Variants in CFHR4 observed in about 807,000 individuals in gnomAD.
CFHR4 encodes the protein complement factor H related 4.
Under a neutral mutation model 69.3 loss-of-function variants are expected in CFHR4, and 64 were observed. The ratio of observed to expected loss-of-function variants is 0.92; its 90% CI spans 0.76 to 1.14. The LOEUF is 1.14. Ranked by LOEUF, CFHR4 falls within the 50% of genes most tolerant of loss-of-function variation. The pLI is 0.00. For missense variants in CFHR4, 636 were observed against 684.9 expected, an observed-to-expected ratio of 0.93 and a Z score of 0.80; for synonymous variants, 244 against 237.0, an observed-to-expected ratio of 1.03 and a Z score of -0.27.
chr1:196,905,720 T>C (rs540472642), intron 3 of CFHR4, among the ~76,000 whole-genome samples: 8 of 151,636 alleles, frequency 5.3e-5, no homozygotes, highest in African/African-American at 1.9e-4. Context: ...GAGTTTCTGC[T>C]AGCATCAGGA....
intron 9 of CFHR4, among the ~76,000 whole-genome samples, chr1:196,917,436 T>A (rs1311726574): frequency 2.7e-5 from 4 of 150,488 alleles, no homozygotes; most frequent in Admixed American, 2.0e-4. Flanking sequence ...AATTATAAAT[T>A]TTTTTACAAA....
intron 9 of CFHR4, among the ~76,000 whole-genome samples, chr1:196,916,246 A>G (rs1658620078): frequency 6.6e-6 from 1 of 151,600 alleles, no homozygotes; most frequent in Admixed American, 6.6e-5. Context: ...AAGAAAACCT[A>G]AAAGAAAACT....
intron 1 of CFHR4, among the ~76,000 whole-genome samples, chr1:196,895,466 A>G (rs532940180): frequency 1.3e-5 from 2 of 150,956 alleles, no homozygotes; most frequent in East Asian, 3.9e-4. Flanking sequence ...TTTATACTTT[A>G]ATTTCTTTTT....
rs1200625953 is a variant in CFHR4, at chr1:196,912,820, A to G, written c.1078A>G (p.Ile360Val). The change falls in exon 7 of 10, where the codon ATA becomes GTA. Residue 360 changes from isoleucine (I) to valine (V), a missense_variant. Physicochemically the swap from Ile to Val is conservative, Grantham distance 29. Transcript: ENST00000608469. ...CTCTATTTATATTTTAAATAAAGAA[A>G]TACAATATAAATGTAAACCAGGATA... is the stretch of plus-strand genomic sequence containing the variant. ...SSSIYILNKE[I>V]QYKCKPGYAT... 2 of 1,606,104 alleles carry G rather than the reference A, an allele frequency of 1.2e-6. No homozygotes were observed. Among genetic ancestry groups the G allele is most frequent in the Non-Finnish European group, 1.7e-6 (2 of 1,176,514 alleles).
rs184904174 is a variant in CFHR4 at position 196,910,980 on chromosome 1, A to G, written c.997+502A>G. ...ATGAAGGAATATCTTTACAGAGTCAATCTGTAAAAGTTGAGGATATCCTGG... is the reference window on the plus strand; with the variant it reads ...ATGAAGGAATATCTTTACAGAGTCAGTCTGTAAAAGTTGAGGATATCCTGG... On this transcript the variant is annotated intron_variant, in intron 6 of 9. Coordinates refer to ENST00000608469, the MANE Select transcript of CFHR4 (RefSeq NM_001201550.3). Among the ~76,000 whole-genome samples, 166 of 151,636 alleles carry G rather than the reference A, an allele frequency of 1.1e-3. 3 individuals carry two copies. Among genetic ancestry groups the G allele is most frequent in the African/African-American group, 3.9e-3 (161 of 41,174 alleles).
chr1:196,906,207 A>G (rs1657900146), intron 3 of CFHR4, among the ~76,000 whole-genome samples: 4 of 151,524 alleles, frequency 2.6e-5, no homozygotes, highest in South Asian at 4.1e-4. Context: ...TCTAAGTGAG[A>G]AAAAAGAAAA....
At chr1:196,915,724 CAG>C (rs756236938) in intron 9 of CFHR4, among the ~76,000 whole-genome samples, 2 of 151,340 alleles carry the variant, frequency 1.3e-5, no homozygotes, top group Non-Finnish European at 2.9e-5. Flanking sequence ...CAAGAATGTT[CAG>C]AGTCTTCAAT....
At chr1:196,895,793 C>G (rs937276089) in intron 1 of CFHR4, among the ~76,000 whole-genome samples, 2 of 151,354 alleles carry the variant, frequency 1.3e-5, no homozygotes, top group Admixed American at 6.6e-5. Context: ...TTTTAATAGG[C>G]CATACTTTCC....
Position 196,918,535 on chromosome 1 carries a change from T to C in CFHR4, c.*129T>C. 1.0e-6 allele frequency: 1 copy of C among 956,484 alleles called. No individual in the cohort carries two copies. The allele number at this position is 956,484 out of a possible 1,614,324, so 59.2% of individuals were successfully genotyped here. On this transcript the variant is annotated 3_prime_UTR_variant, in exon 10 of 10. Coordinates refer to ENST00000608469, the MANE Select transcript of CFHR4 (RefSeq NM_001201550.3). Reference sequence around the variant, plus strand: ...TTTCAAAGAAAATTAATATAATAGTTTCAATTTGCAACTTAATATGTTCTC... The same window carrying C: ...TTTCAAAGAAAATTAATATAATAGTCTCAATTTGCAACTTAATATGTTCTC...
At position 196,918,246 on chromosome 1, in the gene CFHR4, A is replaced by G. The variant is rs1421026559; in HGVS notation, c.1577A>G (p.Asn526Ser). 1.9e-6 allele frequency: 3 copies of G among 1,606,092 alleles called. 1 individual carries two copies. The highest frequency in any genetic ancestry group is 2.6e-6 in the Non-Finnish European group (3 of 1,174,606). The change falls in exon 10 of 10, where the codon AAT becomes AGT. Residue 526 changes from asparagine to serine, a missense_variant. Coordinates refer to ENST00000608469, the MANE Select transcript of CFHR4 (RefSeq NM_001201550.3). Reference sequence around the variant, plus strand: ...ATAACTGAAGAAAACATGAATAAAAATAACATACAGTTAAAAGGAAAAAGT... The same window carrying G: ...ATAACTGAAGAAAACATGAATAAAAGTAACATACAGTTAAAAGGAAAAAGT... ...CIITEENMNK[N>S]NIQLKGKSDI...
intron 2 of CFHR4, among the ~76,000 whole-genome samples, chr1:196,904,668 T>C (rs1014951646): frequency 1.3e-5 from 2 of 151,562 alleles, no homozygotes; most frequent in Non-Finnish European, 2.9e-5. Context: ...TTTAAATTCC[T>C]GGAGACAAAA....
At chr1:196,914,099 G>T (rs1032433859) in intron 7 of CFHR4, among the ~76,000 whole-genome samples, 2 of 151,190 alleles carry the variant, frequency 1.3e-5, no homozygotes, top group Non-Finnish European at 2.9e-5. Flanking sequence ...CACCCTTACT[G>T]TTAGTAAATC....
In CFHR4 at chr1:196,902,611, C is replaced by A. The variant is rs1033017094; in HGVS notation, c.252C>A (p.Cys84Ter). ...ATGGTTGGTCACCAACGGTCCCATG[C>A]CTCAGTAAGTAAACCTCTTTACAAG... ...TQDGWSPTVP[C>*]LRTCSKSDVE... Residue 84 changes from cysteine (C) to a stop codon, truncating the protein, a stop_gained, in exon 2 of 10, where the codon TGC becomes TGA. Transcript: ENST00000608469. LOFTEE classifies it high-confidence loss of function. 6.2e-7 allele frequency: 1 copy of A among 1,605,180 alleles called. No individual in the cohort carries two copies. The highest frequency in any genetic ancestry group is 1.3e-5 in the African/African-American group (1 of 74,078).
intron 2 of CFHR4, 27 bp from the exon 3 acceptor site, chr1:196,905,081 C>T: frequency 6.4e-7 from 1 of 1,551,000 alleles, no homozygotes. Flanking sequence ...CAAATATTTA[C>T]TTTTTTCTCT....
chr1:196,901,029 A>T (rs909837997), intron 1 of CFHR4, among the ~76,000 whole-genome samples: 1 of 151,534 alleles, frequency 6.6e-6, no homozygotes, highest in African/African-American at 2.4e-5. Flanking sequence ...AAACAAAAAG[A>T]AATAGATTGA....
In CFHR4 at chr1:196,902,402, TG is replaced by T. The variant is rs774236421; in HGVS notation, c.59-15del. 24 of 1,533,258 alleles carry T rather than the reference TG, an allele frequency of 1.6e-5. No individual in the cohort carries two copies. In the South Asian group the frequency reaches 2.8e-4, roughly 18 times the overall value. The allele number at this position is 1,533,258 out of a possible 1,614,324, so 95.0% of individuals were successfully genotyped here. A position where few individuals can be genotyped will look rare whatever the true frequency, so the allele number is the denominator to read the frequency against. ...GAAAAACATTATTTATACTGTTTTT[TG>T]TTTTTTATTACAAGAAGTGAAACCT... On this transcript the variant is annotated splice_polypyrimidine_tract_variant and intron_variant, in intron 1 of 9. Coordinates refer to ENST00000608469, the MANE Select transcript of CFHR4 (RefSeq NM_001201550.3).
rs559314858 is a variant in CFHR4, at chr1:196,891,876, T to C, written c.58+3668T>C. ...TGGACCTATATTTTTATATCAATAA[T>C]ATGTCTCACCTGATACATGAATTCT... On this transcript the variant is annotated intron_variant, in intron 1 of 9. Transcript: ENST00000608469. Among the ~76,000 whole-genome samples the C allele has an allele frequency of 3.3e-5, 5 of 151,470 alleles. 1 individual carries two copies. Among genetic ancestry groups the C allele is most frequent in the African/African-American group, 1.2e-4 (5 of 41,136 alleles).
chr1:196,913,124 T>C (rs1008116915), intron 7 of CFHR4, among the ~76,000 whole-genome samples: 5 of 151,598 alleles, frequency 3.3e-5, no homozygotes, highest in African/African-American at 1.2e-4. Context: ...TCATTTCATC[T>C]CTTACAACTC....
At position 196,914,501 on chromosome 1, in the gene CFHR4, G is replaced by A. The variant is rs752075259; in HGVS notation, c.1187G>A (p.Cys396Tyr). 2 of 1,605,220 alleles carry A rather than the reference G, an allele frequency of 1.2e-6. No homozygotes were observed. Among genetic ancestry groups the A allele is most frequent in the East Asian group, 2.2e-5 (1 of 44,552 alleles). The change falls in exon 8 of 10, where the codon TGT becomes TAT. Residue 396 changes from cysteine to tyrosine, a missense_variant. By Grantham distance (194) the Cys-to-Tyr change is radical. Coordinates refer to ENST00000608469, the MANE Select transcript of CFHR4 (RefSeq NM_001201550.3). ...CAATTTTATTTTGTTTCAGAATTTT[G>A]TGATATGCCTGTTTTTGAGAATTCC... ...WSAQPICIKF[C>Y]DMPVFENSRA...
Sources: allele counts gnomAD v4.1 joint callset (sites outside exome capture counted in the v4.1 genomes callset), GRCh38; gene constraint gnomAD v4.1.1; transcripts MANE v1.5; gene names NCBI Gene and HGNC (gene_info 2026-07-23, HGNC 2026-07-21).